NR3C2: variants seen among roughly 807,000 people sequenced by gnomAD.
NR3C2 encodes mineralocorticoid receptor.
Under a neutral mutation model 86.4 loss-of-function variants are expected in NR3C2, and 15 were observed. The observed-to-expected ratio is 0.17, with a 90% CI of 0.12 to 0.27. The LOEUF (loss-of-function observed/expected upper bound fraction) is 0.27, where lower values mean the gene tolerates loss of function less well. Among genes scored for constraint, NR3C2 ranks in the 10% least tolerant of loss-of-function variants. The pLI is 1.00. For synonymous variants in NR3C2, 458 were observed against 450.5 expected (o/e 1.02, Z -0.21); for missense variants, 960 against 1,195.6 (o/e 0.80, Z 2.91).
intron 2 of NR3C2, among the ~76,000 whole-genome samples, chr4:148,292,659 G>T (rs1336662275): frequency 6.6e-6 from 1 of 152,032 alleles, no homozygotes; most frequent in Admixed American, 6.6e-5. Context: ...TCAGATTATG[G>T]TCTGACGGGG....
chr4:148,283,656 A>C (rs1344357693), intron 2 of NR3C2, among the ~76,000 whole-genome samples: 1 of 152,212 alleles, frequency 6.6e-6, no homozygotes, highest in African/African-American at 2.4e-5. Flanking sequence ...AAAGGCCCTT[A>C]CAATCCCTCT....
intron 3 of NR3C2, among the ~76,000 whole-genome samples, chr4:148,233,840 T>TATA (rs1240837195): frequency 3.3e-5 from 5 of 151,874 alleles, no homozygotes; most frequent in African/African-American, 7.3e-5. Flanking sequence ...CTATAACAGA[T>TATA]ATAATAATAA....
upstream of NR3C2, chr4:148,444,707 T>C: frequency 1.0e-6 from 1 of 985,086 alleles, no homozygotes. Context: ...ATAGTGCTGT[T>C]ACCCTACAAG....
At chr4:148,214,143 T>C (rs1220686141) in intron 3 of NR3C2, among the ~76,000 whole-genome samples, 1 of 152,236 alleles carries the variant, frequency 6.6e-6, no homozygotes, top group Non-Finnish European at 1.5e-5. Flanking sequence ...CTATTTCCAC[T>C]TCTGTGCAAT....
intron 5 of NR3C2, 92 bp from the exon 6 acceptor site, chr4:148,152,705 T>C (rs1407792333): frequency 8.1e-7 from 1 of 1,237,248 alleles, no homozygotes; most frequent in Non-Finnish European, 1.2e-6. Context: ...AACAGCCACC[T>C]TTCTTTCACT....
intron 2 of NR3C2, among the ~76,000 whole-genome samples, chr4:148,273,443 T>G (rs1385452164): frequency 1.3e-5 from 2 of 152,168 alleles, no homozygotes; most frequent in Non-Finnish European, 2.9e-5. Flanking sequence ...AAGCAACAAT[T>G]ACCAAGCTTT....
chr4:148,254,528 A>G (rs1426249010), intron 3 of NR3C2, among the ~76,000 whole-genome samples: 2 of 152,162 alleles, frequency 1.3e-5, no homozygotes, highest in East Asian at 3.9e-4. Flanking sequence ...TCCCATAACA[A>G]CCAACTGAAG....
intron 8 of NR3C2, among the ~76,000 whole-genome samples, chr4:148,097,751 G>GTTT (rs553156519): frequency 1.9e-5 from 2 of 102,906 alleles, no homozygotes; most frequent in African/African-American, 5.4e-5. Context: ...GTTTTTTTTT[G>GTTT]TTTTTTTTTT....
chr4:148,402,491 GT>G (rs1341810005), intron 2 of NR3C2, among the ~76,000 whole-genome samples: 1 of 152,210 alleles, frequency 6.6e-6, no homozygotes, highest in Non-Finnish European at 1.5e-5. Context: ...TTCACACAAA[GT>G]ATCTGGGAGT....
intron 8 of NR3C2, among the ~76,000 whole-genome samples, chr4:148,089,802 A>G (rs756062879): frequency 6.6e-6 from 1 of 152,232 alleles, no homozygotes; most frequent in Non-Finnish European, 1.5e-5. Context: ...AGCAGTGCCA[A>G]CTGCTGGGTG....
intron 3 of NR3C2, among the ~76,000 whole-genome samples, chr4:148,202,182 C>T (rs534039340): frequency 1.3e-5 from 2 of 152,330 alleles, no homozygotes; most frequent in East Asian, 1.9e-4. Context: ...GCTCCTGCCC[C>T]AGTACCCAGA....
chr4:148,242,251 A>G (rs1475710217), intron 3 of NR3C2, among the ~76,000 whole-genome samples: 1 of 152,212 alleles, frequency 6.6e-6, no homozygotes, highest in Non-Finnish European at 1.5e-5. Flanking sequence ...ATATACACTT[A>G]TCAAACAGGC....
intron 2 of NR3C2, among the ~76,000 whole-genome samples, chr4:148,352,110 A>T (rs1263440689): frequency 6.6e-6 from 1 of 152,182 alleles, no homozygotes; most frequent in African/African-American, 2.4e-5. Context: ...TCCCTTGCAG[A>T]CTTCCTTAAA....
intron 2 of NR3C2, among the ~76,000 whole-genome samples, chr4:148,376,535 G>A (rs1008882230): frequency 5.9e-5 from 9 of 152,132 alleles, no homozygotes; most frequent in Non-Finnish European, 1.0e-4. Context: ...CTTTAAAAGG[G>A]TAAGAGAGAG....
At chr4:148,085,560 C>T (rs1469604113) in intron 8 of NR3C2, among the ~76,000 whole-genome samples, 1 of 152,098 alleles carries the variant, frequency 6.6e-6, no homozygotes, top group Non-Finnish European at 1.5e-5. Context: ...AAAGTTGATA[C>T]CCTAACATCA....
At chr4:148,162,837 T>C (rs889169141) in intron 4 of NR3C2, among the ~76,000 whole-genome samples, 4 of 152,090 alleles carry the variant, frequency 2.6e-5, no homozygotes, top group African/African-American at 9.7e-5. Flanking sequence ...CCTGTCACTG[T>C]TGTGCTGATA....
rs536411797 is a variant in NR3C2, at chr4:148,300,558, A to G, written c.1758-40441T>C. ...GAAAGGTTTTTTCTCAGTCAACTGA[A>G]TTATTTTTCTCCATTTTGCCTTGCT... On this transcript the variant is annotated intron_variant, in intron 2 of 8. Coordinates refer to ENST00000358102, the MANE Select transcript of NR3C2 (RefSeq NM_000901.5). Among the ~76,000 whole-genome samples the G allele has an allele frequency of 3.2e-4, 46 of 145,316 alleles. No homozygotes were observed. The South Asian group carries it at 1.0e-2, about 31-fold the overall frequency.
chr4:148,428,526 T>C (rs557794214), intron 2 of NR3C2, among the ~76,000 whole-genome samples: 1 of 152,312 alleles, frequency 6.6e-6, no homozygotes, highest in South Asian at 2.1e-4. Context: ...AAAGAGTAGA[T>C]GCCAGTAACT....
chr4:148,428,462 A>C (rs945552576), intron 2 of NR3C2, among the ~76,000 whole-genome samples: 3 of 152,180 alleles, frequency 2.0e-5, no homozygotes, highest in Non-Finnish European at 4.4e-5. Context: ...AGCACAATAC[A>C]TAATTCTGAA....
Sources: gnomAD v4.1 joint callset for allele counts (sites outside exome capture counted in the v4.1 genomes callset) on GRCh38, gnomAD v4.1.1 for gene constraint, MANE v1.5 for transcripts, NCBI Gene and HGNC (gene_info 2026-07-23, HGNC 2026-07-21) for gene names.